The following CHD1L variants were observed in gnomAD, a reference collection of about 807,000 sequenced individuals.
The protein encoded by CHD1L is chromodomain helicase DNA binding protein 1 like.
A neutral mutation model predicts 115.9 loss-of-function variants in CHD1L; 118 were observed. The ratio of observed to expected loss-of-function variants is 1.02; its 90% CI spans 0.88 to 1.19. CHD1L has a LOEUF of 1.19. Ranked by LOEUF, CHD1L falls within the 50% of genes most tolerant of loss-of-function variation. The probability of loss-of-function intolerance (pLI) is 0.00; values close to 1 mark genes in which losing one functional copy is unlikely to be tolerated. For synonymous variants in CHD1L, 411 were observed against 387.1 expected (o/e 1.06, Z -0.72); for missense variants, 1,179 against 1,065.3 (o/e 1.11, Z -1.49).
chr1:147,210,322 T>C, the CHD1L span: 6 of 152,220 alleles, frequency 3.9e-5, 1 homozygote, highest in Admixed American at 3.9e-4. Context: ...CTAAAGTTCA[T>C]GTTCAGAACT....
At chr1:147,190,839 C>G in the CHD1L span, among the ~76,000 whole-genome samples, 1 of 151,840 alleles carries the variant, frequency 6.6e-6, no homozygotes, top group Non-Finnish European at 1.5e-5. Context: ...CCCACTACCC[C>G]CACCCCACAA....
the CHD1L span, among the ~76,000 whole-genome samples, chr1:147,205,629 G>T: frequency 9.2e-5 from 14 of 152,064 alleles, no homozygotes; most frequent in South Asian, 2.1e-4. Context: ...ACAACTATTT[G>T]ATCTTTGACA....
In CHD1L at chr1:147,287,634, G is replaced by A. The variant is rs782432685; in HGVS notation, c.2222-1G>A. 1.9e-6 allele frequency: 3 copies of A among 1,612,394 alleles called. No individual in the cohort carries two copies. The highest frequency in any genetic ancestry group is 2.5e-6 in the Non-Finnish European group (3 of 1,179,240). On this transcript the variant is annotated splice_acceptor_variant, in intron 18 of 22. Coordinates refer to ENST00000369258, the MANE Select transcript of CHD1L (RefSeq NM_004284.6). LOFTEE classifies it high-confidence loss of function. ...TGAAAATTTTCTCTTTCTTCAAACAGATGACTCTGGCCACTGGGGCAGAGG... is the reference window on the plus strand; with the variant it reads ...TGAAAATTTTCTCTTTCTTCAAACAAATGACTCTGGCCACTGGGGCAGAGG...
In CHD1L at chr1:147,285,190, C is replaced by A. The variant is rs1262837234; in HGVS notation, c.1855-134C>A. ...CCAAGTGCTTTGCCTCCAGTTCCCA[C>A]CATGCAGGGTGTGTGGAGATGCAGT... On this transcript the variant is annotated intron_variant, in intron 16 of 22. Transcript: ENST00000369258. 3 of 1,005,950 alleles carry A rather than the reference C, an allele frequency of 3.0e-6. No individual in the cohort carries two copies. The African/African-American group carries it at 4.9e-5, about 16-fold the overall frequency. The allele number at this position is 1,005,950 out of a possible 1,614,324, so 62.3% of individuals were successfully genotyped here. A position where few individuals can be genotyped will look rare whatever the true frequency, so the allele number is the denominator to read the frequency against.
intron 19 of CHD1L, among the ~76,000 whole-genome samples, chr1:147,288,330 A>AAAAAAAAAG (rs1193078185): frequency 7.2e-4 from 1 of 1,394 alleles, no homozygotes; most frequent in African/African-American, 1.2e-3. Flanking sequence ...TTCAATAAAA[A>AAAAAAAAAG]AAAAAAAAAA....
In CHD1L at chr1:147,287,671, C is replaced by G. The variant is rs1553967091; in HGVS notation, c.2258C>G (p.Thr753Arg). ...CACTGGGGCAGAGGTGGTTTATTTA[C>G]AGCTCTGGAAAAGCGATCCGCTGAG... ...SGHWGRGGLF[T>R]ALEKRSAEPR... Residue 753 changes from threonine (T) to arginine (R), a missense_variant, in exon 19 of 23, where the codon ACA becomes AGA. Coordinates refer to ENST00000369258, the MANE Select transcript of CHD1L (RefSeq NM_004284.6). 1.4e-5 allele frequency: 23 copies of G among 1,613,896 alleles called. No homozygotes were observed. The highest frequency in any genetic ancestry group is 1.9e-5 in the Non-Finnish European group (22 of 1,180,000).
the CHD1L span, among the ~76,000 whole-genome samples, chr1:147,190,809 A>G: frequency 6.6e-6 from 1 of 151,996 alleles, no homozygotes; most frequent in Non-Finnish European, 1.5e-5. Flanking sequence ...CATTAGGTAT[A>G]TCTCGTAATG....
At chr1:147,259,754 G>A in intron 5 of CHD1L, 83 bp from the exon 6 acceptor site, 1 of 1,181,028 alleles carries the variant, frequency 8.5e-7, no homozygotes, top group Non-Finnish European at 1.2e-6. Flanking sequence ...TTTAATAACA[G>A]TCACAGTTTT....
rs782218590 is a variant in CHD1L, at chr1:147,286,342, C to T, written c.2063C>T (p.Pro688Leu). Residue 688 changes from proline (P) to leucine (L), a missense_variant, in exon 18 of 23, where the codon CCC becomes CTC. Physicochemically the swap from Pro to Leu is moderately conservative, Grantham distance 98. Coordinates refer to ENST00000369258, the MANE Select transcript of CHD1L (RefSeq NM_004284.6). ...AACAATTACCAGTCCTTCTGCCTGC[C>T]CTCTGAGGAGAGCGAGCCAGAGGAC... ...ESNNYQSFCL[P>L]SEESEPEDLE... is the part of the protein sequence containing the mutation. The T allele has an allele frequency of 6.2e-7, 1 of 1,614,092 alleles. No homozygotes were observed. Among genetic ancestry groups the T allele is most frequent in the Non-Finnish European group, 8.5e-7 (1 of 1,180,024 alleles).
rs1265238543 is a variant in CHD1L, at chr1:147,264,342, T to C, written c.577-80T>C. 3 of 1,245,156 alleles carry C rather than the reference T, an allele frequency of 2.4e-6. No individual in the cohort carries two copies. In the African/African-American group the frequency reaches 4.6e-5, roughly 19 times the overall value. The allele number at this position is 1,245,156 out of a possible 1,614,324, so 77.1% of individuals were successfully genotyped here. Reference sequence around the variant, plus strand: ...TCATTAAATCATGCCTCTCTCTGTGTGGGTAAAGGTTGTGATGGGTAACTC... The same window carrying C: ...TCATTAAATCATGCCTCTCTCTGTGCGGGTAAAGGTTGTGATGGGTAACTC... On this transcript the variant is annotated intron_variant, in intron 6 of 22. Coordinates refer to ENST00000369258, the MANE Select transcript of CHD1L (RefSeq NM_004284.6).
At chr1:147,205,052 C>T in the CHD1L span, 136 of 645,238 alleles carry the variant, frequency 2.1e-4, no homozygotes, top group Middle Eastern at 2.9e-3. Context: ...GCTATATAGT[C>T]CAGCCATACC....
At chr1:147,225,018 T>A in the CHD1L span, 3 of 1,595,390 alleles carry the variant, frequency 1.9e-6, no homozygotes, top group Non-Finnish European at 2.6e-6. Flanking sequence ...CAGCAATTCT[T>A]TTCTTAGTCA....
At chr1:147,247,197 CA>C (rs1360464072) in intron 1 of CHD1L, among the ~76,000 whole-genome samples, 4 of 152,114 alleles carry the variant, frequency 2.6e-5, no homozygotes, top group African/African-American at 9.7e-5. Flanking sequence ...TGTACAATTT[CA>C]GTTCTTTTAA....
chr1:147,204,615 T>C, the CHD1L span: 1 of 1,592,562 alleles, frequency 6.3e-7, no homozygotes, highest in East Asian at 2.2e-5. Context: ...CTCCGGCAAA[T>C]ACCAGAACAA....
chr1:147,198,353 G>A, the CHD1L span, among the ~76,000 whole-genome samples: 7 of 152,070 alleles, frequency 4.6e-5, no homozygotes, highest in Non-Finnish European at 7.3e-5. Context: ...TACTTAAGGA[G>A]CTATCACTAT....
the CHD1L span, chr1:147,178,310 A>G: frequency 6.2e-7 from 1 of 1,612,936 alleles, no homozygotes. Context: ...CTTGCTCCTG[A>G]GTATGAAGCT....
chr1:147,212,691 C>T, the CHD1L span, among the ~76,000 whole-genome samples: 6 of 152,010 alleles, frequency 3.9e-5, no homozygotes. Context: ...GTATTTTTGC[C>T]TATTTTCTTT....
At chr1:147,227,985 T>A in the CHD1L span, among the ~76,000 whole-genome samples, 1 of 148,984 alleles carries the variant, frequency 6.7e-6, no homozygotes, top group South Asian at 2.1e-4. Context: ...CGATCTTGGC[T>A]CACTGCAAGC....
chr1:147,183,643 T>G, the CHD1L span, among the ~76,000 whole-genome samples: 1 of 152,194 alleles, frequency 6.6e-6, no homozygotes, highest in South Asian at 2.1e-4. Flanking sequence ...GTCAGGAAGA[T>G]ATTCCCTGAA....
Sources: allele counts gnomAD v4.1 joint callset (sites outside exome capture counted in the v4.1 genomes callset), GRCh38; gene constraint gnomAD v4.1.1; transcripts MANE v1.5; gene names NCBI Gene and HGNC (gene_info 2026-07-23, HGNC 2026-07-21).